Variants in RASGRP1 observed in about 807,000 individuals in gnomAD.
RASGRP1 encodes RAS guanyl-releasing protein 1.
A neutral mutation model predicts 95.1 loss-of-function variants in RASGRP1; 37 were observed. That is an observed-to-expected ratio of 0.39 (90% CI 0.30 to 0.51). The LOEUF (loss-of-function observed/expected upper bound fraction) is 0.51. Ranked by LOEUF, RASGRP1 falls within the 20% of genes least tolerant of loss-of-function variation. RASGRP1 has a pLI of 0.80. For missense variants in RASGRP1, 711 were observed against 965.4 expected (o/e 0.74, Z 3.49); for synonymous variants, 325 against 353.4 (o/e 0.92, Z 0.90).
chr15:38,498,206 G>A (rs1341558015), intron 15 of RASGRP1, among the ~76,000 whole-genome samples: 5 of 152,030 alleles, frequency 3.3e-5, no homozygotes, highest in Admixed American at 2.0e-4. Flanking sequence ...CACCTTTCAC[G>A]CATAGGTGGT....
rs756596594 is a variant in RASGRP1 at position 38,494,453 on chromosome 15, T to C, written c.2188A>G (p.Lys730Glu). 4 of 1,613,084 alleles carry C rather than the reference T, an allele frequency of 2.5e-6. No individual in the cohort carries two copies. The South Asian group carries it at 3.3e-5, about 13-fold the overall frequency. The part of the protein sequence containing the change: ...RKRAFVKWEN[K>E]DSLIKSKEEL... Reference sequence around the variant, plus strand: ...TCCTTTGATTTTATGAGGGAGTCTTTATTCTCCCACTTGACAAAAGCCCGC... The same window carrying C: ...TCCTTTGATTTTATGAGGGAGTCTTCATTCTCCCACTTGACAAAAGCCCGC... The change falls in exon 16 of 17, where the codon AAA becomes GAA. Residue 730 changes from lysine to glutamate, a missense_variant. Lys to Glu is a moderately conservative substitution (Grantham distance 56). Coordinates refer to ENST00000310803, the MANE Select transcript of RASGRP1 (RefSeq NM_005739.4).
intron 9 of RASGRP1, among the ~76,000 whole-genome samples, chr15:38,506,327 T>C (rs909710447): frequency 1.3e-5 from 2 of 152,174 alleles, no homozygotes; most frequent in Non-Finnish European, 2.9e-5. Context: ...GTAAGACATA[T>C]TAATTGCTAT....
intron 3 of RASGRP1, among the ~76,000 whole-genome samples, chr15:38,519,763 GA>G (rs1372221817): frequency 6.6e-6 from 1 of 151,936 alleles, no homozygotes; most frequent in Non-Finnish European, 1.5e-5. Context: ...AGAAAAAAAA[GA>G]AAAAACAGCA....
Position 38,494,429 on chromosome 15 carries a change from C to T in RASGRP1, c.2212G>A (p.Glu738Lys). Residue 738 changes from glutamate to lysine, a missense_variant, in exon 16 of 17, where the codon GAG becomes AAG. This residue lies in a region of RASGRP1 where 212 missense variants were observed against 247.8 expected (regional missense o/e 0.86). Transcript: ENST00000310803. The stretch of plus-strand genomic sequence containing the variant: ...GGCAGTCTGAGGTGACGGAGCTCCT[C>T]CTTTGATTTTATGAGGGAGTCTTTA... ...ENKDSLIKSK[E>K]ELRHLRLPTY... 1 of 1,613,822 alleles carries T rather than the reference C, an allele frequency of 6.2e-7. No homozygotes were observed. The highest frequency in any genetic ancestry group is 8.5e-7 in the Non-Finnish European group (1 of 1,179,832).
intron 2 of RASGRP1, among the ~76,000 whole-genome samples, chr15:38,555,105 G>T (rs1893502337): frequency 6.6e-6 from 1 of 152,222 alleles, no homozygotes; most frequent in Admixed American, 6.5e-5. Flanking sequence ...TACGGAGAGG[G>T]CTATGGCCCT....
At chr15:38,553,825 G>A (rs1345705792) in intron 2 of RASGRP1, among the ~76,000 whole-genome samples, 1 of 152,158 alleles carries the variant, frequency 6.6e-6, no homozygotes, top group African/African-American at 2.4e-5. Context: ...AGATCTGGCT[G>A]GATTGTTTTA....
chr15:38,516,707 G>A (rs1891803510), intron 5 of RASGRP1, among the ~76,000 whole-genome samples: 5 of 151,770 alleles, frequency 3.3e-5, no homozygotes, highest in Admixed American at 2.6e-4. Flanking sequence ...CATTCTGCTT[G>A]TGTGTTCCTT....
intron 1 of RASGRP1, 148 bp downstream of exon 1, chr15:38,564,446 C>T (rs1893948420): frequency 1.5e-6 from 1 of 689,430 alleles, no homozygotes; most frequent in Non-Finnish European, 2.0e-6. Context: ...TGGACACGTC[C>T]GCCCGTCGCG....
At chr15:38,516,174 T>C in intron 6 of RASGRP1, 23 bp downstream of exon 6, 2 of 1,549,566 alleles carry the variant, frequency 1.3e-6, no homozygotes, top group Admixed American at 1.7e-5. Context: ...GGAAGATTTT[T>C]CTCCTGCCCC....
At chr15:38,512,436 C>T (rs1349825890) in intron 7 of RASGRP1, among the ~76,000 whole-genome samples, 1 of 152,188 alleles carries the variant, frequency 6.6e-6, no homozygotes, top group Admixed American at 6.5e-5. Flanking sequence ...GGTCCAGCTC[C>T]AGTAAATCTT....
chr15:38,532,190 A>T (rs540401429), intron 2 of RASGRP1, among the ~76,000 whole-genome samples: 76 of 152,342 alleles, frequency 5.0e-4, no homozygotes, highest in Middle Eastern at 6.8e-3. Flanking sequence ...TAGGCTTTTT[A>T]AAATGCAGGG....
intron 15 of RASGRP1, 88 bp downstream of exon 15, chr15:38,498,706 C>T: frequency 1.3e-6 from 2 of 1,496,262 alleles, no homozygotes; most frequent in South Asian, 1.3e-5. Context: ...TAAACTCAAA[C>T]ACAGAGTCAT....
chr15:38,516,940 C>T (rs936377993), intron 5 of RASGRP1, among the ~76,000 whole-genome samples: 8 of 152,004 alleles, frequency 5.3e-5, no homozygotes, highest in Non-Finnish European at 1.0e-4. Context: ...CCCTAGAGTG[C>T]GCCCTGCCCC....
chr15:38,498,249 T>G (rs1177787674), intron 15 of RASGRP1, among the ~76,000 whole-genome samples: 1 of 152,250 alleles, frequency 6.6e-6, no homozygotes, highest in Non-Finnish European at 1.5e-5. Context: ...AATTCGCAGC[T>G]GCCTCTACCT....
intron 2 of RASGRP1, among the ~76,000 whole-genome samples, chr15:38,554,418 T>G (rs1357775123): frequency 6.6e-6 from 1 of 152,108 alleles, no homozygotes; most frequent in Non-Finnish European, 1.5e-5. Flanking sequence ...AAAACTCATC[T>G]CTCTGGATGG....
At chr15:38,511,779 C>A in intron 7 of RASGRP1, 59 bp from the exon 8 acceptor site, 1 of 1,325,836 alleles carries the variant, frequency 7.5e-7, no homozygotes, top group Non-Finnish European at 1.1e-6. Context: ...ATATGGGGAG[C>A]TTAGAGGCTG....
chr15:38,493,599 T>C (rs1257880584), intron 16 of RASGRP1, among the ~76,000 whole-genome samples: 4 of 152,226 alleles, frequency 2.6e-5, no homozygotes, highest in Non-Finnish European at 5.9e-5. Context: ...AGGTACCTGA[T>C]AATTAGGACA....
chr15:38,554,239 C>T (rs112783828), intron 2 of RASGRP1, among the ~76,000 whole-genome samples: 4 of 152,286 alleles, frequency 2.6e-5, no homozygotes, highest in African/African-American at 9.6e-5. Flanking sequence ...TTCCACAGGT[C>T]ATTTAACTTC....
intron 2 of RASGRP1, among the ~76,000 whole-genome samples, chr15:38,547,108 A>C (rs548356749): frequency 6.6e-6 from 1 of 152,222 alleles, no homozygotes; most frequent in Admixed American, 6.5e-5. Context: ...TTCAATACTC[A>C]TATCTACATG....
Sources: allele counts gnomAD v4.1 joint callset (sites outside exome capture counted in the v4.1 genomes callset), GRCh38; gene constraint gnomAD v4.1.1; regional missense constraint gnomAD v4.1.1; transcripts MANE v1.5; gene names NCBI Gene and HGNC (gene_info 2026-07-23, HGNC 2026-07-21).